Variants in ZNF280D observed in about 807,000 individuals in gnomAD.
ZNF280D encodes suppressor of hairy wing homolog 4.
Under a neutral mutation model 94.7 loss-of-function variants are expected in ZNF280D, and 39 were observed. The observed-to-expected ratio is 0.41, with a 90% confidence interval of 0.32 to 0.54. ZNF280D has a LOEUF of 0.54. ZNF280D is among the 20% of genes least tolerant of loss of function. The pLI is 0.22. For missense variants in ZNF280D, 1,090 were observed against 1,149.3 expected (o/e 0.95, Z 0.75); for synonymous variants, 398 against 377.6 (o/e 1.05, Z -0.63).
intron 9 of ZNF280D, among the ~76,000 whole-genome samples, chr15:56,684,543 T>C (rs1402424636): frequency 2.0e-5 from 3 of 147,588 alleles, no homozygotes; most frequent in African/African-American, 7.5e-5. Context: ...AGGAAAAAAA[T>C]AAAATCAGAG....
intron 16 of ZNF280D, among the ~76,000 whole-genome samples, chr15:56,660,743 T>C (rs1421969705): frequency 6.6e-6 from 1 of 152,174 alleles, no homozygotes; most frequent in African/African-American, 2.4e-5. Flanking sequence ...TAAGCAATTC[T>C]CTAAAAATAG....
intron 1 of ZNF280D, among the ~76,000 whole-genome samples, chr15:56,712,662 T>C (rs968192981): frequency 7.4e-5 from 11 of 149,638 alleles, no homozygotes; most frequent in Middle Eastern, 3.3e-3. Flanking sequence ...TATCTTAGTA[T>C]TTTATTTTCT....
intron 6 of ZNF280D, chr15:56,700,243 G>A (rs1422035234): frequency 5.9e-5 from 52 of 886,438 alleles, no homozygotes; most frequent in Non-Finnish European, 6.8e-5. Flanking sequence ...GGTTAGGCTG[G>A]ATTGAAATCC....
intron 6 of ZNF280D, chr15:56,698,780 G>A (rs1321704782): frequency 6.6e-6 from 1 of 152,212 alleles, no homozygotes; most frequent in East Asian, 1.9e-4. Flanking sequence ...GCCTTATTGG[G>A]AAGACCTACG....
At position 56,632,061 on chromosome 15, in the gene ZNF280D, C is replaced by T. The variant is rs759755392; in HGVS notation, c.2377G>A (p.Gly793Ser). 1.9e-6 allele frequency: 3 copies of T among 1,606,820 alleles called. No individual in the cohort carries two copies. Among genetic ancestry groups the T allele is most frequent in the Admixed American group, 1.7e-5 (1 of 59,212 alleles). Residue 793 changes from glycine (G) to serine (S), a missense_variant, in exon 22 of 22, where the codon GGC becomes AGC. Gly to Ser is a moderately conservative substitution (Grantham distance 56, BLOSUM62 0). This residue lies in a region of ZNF280D where 577 missense variants were observed against 568.8 expected (regional missense o/e 1.01). Coordinates refer to ENST00000267807, the MANE Select transcript of ZNF280D (RefSeq NM_017661.4). Reference protein sequence around the residue: ...KNGCNANSFEGSSTTKSEESI... With the variant: ...KNGCNANSFESSSTTKSEESI... ...TCTTCACTTTTTGTTGTTGATGAGCCTTCAAATGAATTTGCATTACATCCA... is the reference window on the plus strand; with the variant it reads ...TCTTCACTTTTTGTTGTTGATGAGCTTTCAAATGAATTTGCATTACATCCA...
At chr15:56,646,156 C>G (rs150651225) in intron 19 of ZNF280D, among the ~76,000 whole-genome samples, 5,584 of 152,268 alleles carry the variant, frequency 0.037, 347 homozygotes, top group Admixed American at 0.16. Context: ...AGGCGTGGTG[C>G]CACATGCCTG....
At chr15:56,678,007 CTTTT>C (rs1198357496) in intron 11 of ZNF280D, among the ~76,000 whole-genome samples, 2 of 137,160 alleles carry the variant, frequency 1.5e-5, no homozygotes, top group Non-Finnish European at 3.2e-5. Flanking sequence ...AATTTTCTTT[CTTTT>C]TTTTTTTTTT....
chr15:56,666,273 G>A (rs2054279720), intron 16 of ZNF280D, 122 bp downstream of exon 16: 2 of 965,102 alleles, frequency 2.1e-6, no homozygotes, highest in East Asian at 2.7e-5. Flanking sequence ...GTTCCTTATT[G>A]TTAGATCCTT....
intron 12 of ZNF280D, among the ~76,000 whole-genome samples, chr15:56,677,150 A>C (rs1383669349): frequency 6.6e-6 from 1 of 152,208 alleles, no homozygotes; most frequent in African/African-American, 2.4e-5. Flanking sequence ...ATGAAACAGC[A>C]TTCTCCTTTA....
At chr15:56,705,066 T>C (rs149491583) in intron 3 of ZNF280D, among the ~76,000 whole-genome samples, 374 of 152,180 alleles carry the variant, frequency 2.5e-3, no homozygotes, top group Non-Finnish European at 4.6e-3. Context: ...GCTTATTCAA[T>C]TAAAGGCAAA....
rs1305105690 is a variant in ZNF280D, at chr15:56,631,922, T to C, written c.2516A>G (p.Lys839Arg). The change falls in exon 22 of 22, where the codon AAA becomes AGA. Residue 839 changes from lysine (K) to arginine (R), a missense_variant. Physicochemically the swap from Lys to Arg is conservative, Grantham distance 26 (BLOSUM62 2). Transcript: ENST00000267807. The part of the protein sequence containing the change: ...SNIGADKVEK[K>R]KQIQHVCQEM... ...CTGACAAACGTGTTGTATTTGTTTT[T>C]TCTTTTCCACTTTATCTGCACCAAT... The C allele has an allele frequency of 2.5e-6, 4 of 1,613,934 alleles. No homozygotes were observed. The highest frequency in any genetic ancestry group is 3.4e-6 in the Non-Finnish European group (4 of 1,180,022).
chr15:56,687,587 T>C (rs764872870), intron 9 of ZNF280D, among the ~76,000 whole-genome samples: 1 of 152,206 alleles, frequency 6.6e-6, no homozygotes, highest in Non-Finnish European at 1.5e-5. Flanking sequence ...TGTATATCTT[T>C]GCAGGCTTTT....
chr15:56,704,283 A>C lies in ZNF280D; in HGVS notation c.29-16T>G. 6.3e-7 allele frequency: 1 copy of C among 1,597,994 alleles called. No homozygotes were observed. Among genetic ancestry groups the C allele is most frequent in the Non-Finnish European group, 8.5e-7 (1 of 1,174,992 alleles). On this transcript the variant is annotated splice_polypyrimidine_tract_variant and intron_variant, in intron 3 of 21. Transcript: ENST00000267807. ...TTTGAATTACCTAATTTTCAAAAGG[A>C]GAGAAGTAAACCTCATTTTTGAAAA...
chr15:56,693,257 A>G (rs1450185605), intron 6 of ZNF280D, 42 bp from the exon 7 acceptor site: 4 of 696,514 alleles, frequency 5.7e-6, no homozygotes, highest in Middle Eastern at 2.8e-4. Flanking sequence ...TTTATTCAAC[A>G]GTTATAATTA....
chr15:56,666,303 A>G, intron 16 of ZNF280D, 92 bp downstream of exon 16: 1 of 1,385,218 alleles, frequency 7.2e-7, no homozygotes, highest in Non-Finnish European at 9.9e-7. Flanking sequence ...TGAAGAGAAA[A>G]ACTGGCTTCT....
At chr15:56,642,884 T>A (rs1252294543) in intron 20 of ZNF280D, 68 bp downstream of exon 20, 30 of 1,206,238 alleles carry the variant, frequency 2.5e-5, no homozygotes, top group South Asian at 6.0e-5. Context: ...TGAAAAAAAA[T>A]TTTATATCAT....
chr15:56,708,756 G>A (rs1024139011), intron 1 of ZNF280D, among the ~76,000 whole-genome samples: 4 of 152,148 alleles, frequency 2.6e-5, no homozygotes, highest in African/African-American at 9.7e-5. Flanking sequence ...AAGAAATGGG[G>A]AAAGCAGTCC....
chr15:56,687,451 C>T (rs1437434512), intron 9 of ZNF280D, among the ~76,000 whole-genome samples: 1 of 151,978 alleles, frequency 6.6e-6, no homozygotes, highest in Non-Finnish European at 1.5e-5. Context: ...AATAAGAACA[C>T]TCATGTTTAC....
intron 16 of ZNF280D, among the ~76,000 whole-genome samples, chr15:56,663,570 G>A (rs1417103065): frequency 6.6e-6 from 1 of 152,140 alleles, no homozygotes; most frequent in Non-Finnish European, 1.5e-5. Flanking sequence ...AGGGAAGCAA[G>A]GGTACCACTG....
Sources: gnomAD v4.1 joint callset for allele counts (sites outside exome capture counted in the v4.1 genomes callset) on GRCh38, gnomAD v4.1.1 for gene constraint, gnomAD v4.1.1 regional missense constraint, MANE v1.5 for transcripts, NCBI Gene and HGNC (gene_info 2026-07-23, HGNC 2026-07-21) for gene names.